NIN: variants seen among roughly 807,000 people sequenced by gnomAD.
The protein encoded by NIN is ninein.
NIN carries 137 observed loss-of-function variants against 257.6 expected under a neutral mutation model. That is an observed-to-expected ratio of 0.53 (90% CI 0.46 to 0.61). The LOEUF is 0.61. Ranked by LOEUF, NIN falls within the 20% of genes least tolerant of loss-of-function variation. The probability of loss-of-function intolerance (pLI) is 0.00; values close to 1 mark genes in which losing one functional copy is unlikely to be tolerated. For missense variants in NIN, 2,439 were observed against 2,501.2 expected (o/e 0.98, Z 0.53); for synonymous variants, 918 against 919.8 (o/e 1.00, Z 0.04).
Position 50,760,151 on chromosome 14 carries a change from T to G in NIN, c.2105A>C (p.Lys702Thr), listed in dbSNP as rs535260580. Residue 702 changes from lysine to threonine, a missense_variant, in exon 17 of 31, where the codon AAA (lysine) becomes ACA (threonine). Around this residue, in one of 3 missense-constraint regions of NIN, gnomAD observed 2,043 missense variants for 2,050.2 expected, o/e 1.00. Coordinates refer to ENST00000530997, the MANE Select transcript of NIN (RefSeq NM_020921.4). ...CTCCTCAAGCTTCACTTGCAGTTGT[T>G]TTTTCTCCTCCTCATGCCTGCAAGT... ...EATCRHEEEKKQLQVKLEEEK... is the reference protein window; with the variant it reads ...EATCRHEEEKTQLQVKLEEEK... 9 of 1,614,180 alleles carry G rather than the reference T, an allele frequency of 5.6e-6. No homozygotes were observed. The Admixed American group carries it at 1.3e-4, about 24-fold the overall frequency.
At chr14:50,781,501 T>A (rs2043133689) in intron 5 of NIN, among the ~76,000 whole-genome samples, 1 of 152,242 alleles carries the variant, frequency 6.6e-6, no homozygotes. Flanking sequence ...TCCAACATCT[T>A]ATGAGTCTAT....
intron 5 of NIN, among the ~76,000 whole-genome samples, chr14:50,784,590 T>C (rs1286126532): frequency 6.6e-6 from 1 of 152,220 alleles, no homozygotes; most frequent in African/African-American, 2.4e-5. Flanking sequence ...GACAGACTAG[T>C]GCCAGCTTTA....
At chr14:50,821,126 T>C (rs2045195407) in intron 3 of NIN, among the ~76,000 whole-genome samples, 2 of 152,234 alleles carry the variant, frequency 1.3e-5, no homozygotes. Flanking sequence ...AACCTATTGA[T>C]TATAAATAGC....
At chr14:50,773,823 G>A (rs2042820726) in intron 7 of NIN, among the ~76,000 whole-genome samples, 1 of 152,194 alleles carries the variant, frequency 6.6e-6, no homozygotes, top group Non-Finnish European at 1.5e-5. Flanking sequence ...TAGGGAAGGG[G>A]AGATTGGGCT....
intron 3 of NIN, among the ~76,000 whole-genome samples, chr14:50,808,701 C>T (rs1470415478): frequency 1.3e-5 from 2 of 152,208 alleles, no homozygotes; most frequent in African/African-American, 4.8e-5. Flanking sequence ...TGCCACGATG[C>T]TCATAGTCTC....
At chr14:50,787,145 G>GA (rs1722470014) in intron 5 of NIN, among the ~76,000 whole-genome samples, 1 of 152,124 alleles carries the variant, frequency 6.6e-6, no homozygotes, top group African/African-American at 2.4e-5. Flanking sequence ...TCTACAGTTG[G>GA]AAAAATGACT....
Position 50,756,467 on chromosome 14 carries a change from G to T in NIN, c.4538+25C>A, listed in dbSNP as rs370896639. ...TGGTGAGGTGCTCTGTGGGATTCGT[G>T]ACGTCTAGAAGGTACATACATTACC... is the stretch of plus-strand genomic sequence containing the variant. On this transcript the variant is annotated intron_variant, in intron 18 of 30. Coordinates refer to ENST00000530997, the MANE Select transcript of NIN (RefSeq NM_020921.4). 795 of 1,551,386 alleles carry T rather than the reference G, an allele frequency of 5.1e-4. 4 individuals are homozygous for T. Among genetic ancestry groups the T allele is most frequent in the South Asian group, 4.0e-3 (316 of 79,532 alleles).
chr14:50,752,053 G>A (rs7494766), intron 21 of NIN, among the ~76,000 whole-genome samples: 78,035 of 151,698 alleles, frequency 0.51, 20,630 homozygotes, highest in African/African-American at 0.61. Flanking sequence ...CATATAATCA[G>A]TGTTTTCTTT....
At chr14:50,803,078 G>T (rs1406220349) in intron 4 of NIN, among the ~76,000 whole-genome samples, 1 of 152,202 alleles carries the variant, frequency 6.6e-6, no homozygotes, top group Admixed American at 6.5e-5. Flanking sequence ...ACCTCGCCGG[G>T]CGCAGTGGCT....
At chr14:50,790,204 C>T (rs921851425) in intron 5 of NIN, among the ~76,000 whole-genome samples, 14 of 152,128 alleles carry the variant, frequency 9.2e-5, no homozygotes, top group Admixed American at 7.2e-4. Flanking sequence ...AAAGGGCATG[C>T]ACCACCATGC....
At chr14:50,738,762 A>C (rs1017718937) in intron 26 of NIN, among the ~76,000 whole-genome samples, 1 of 152,224 alleles carries the variant, frequency 6.6e-6, no homozygotes, top group African/African-American at 2.4e-5. Context: ...GGCATGGAGT[A>C]GGTGTTCTAA....
intron 2 of NIN, chr14:50,823,442 C>A: frequency 6.2e-6 from 2 of 322,624 alleles, no homozygotes; most frequent in Non-Finnish European, 1.3e-5. Flanking sequence ...ATCATTACAA[C>A]ATGAAAAACG....
intron 2 of NIN, chr14:50,823,289 C>T (rs535844680): frequency 2.4e-5 from 14 of 572,084 alleles, no homozygotes; most frequent in African/African-American, 9.4e-5. Context: ...ACCCTTGGGA[C>T]GGTGACCTCA....
In NIN at chr14:50,766,735, A is replaced by G. The variant is rs372006071; in HGVS notation, c.1545+45T>C. The G allele has an allele frequency of 1.5e-4, 207 of 1,350,846 alleles. 2 individuals are homozygous for G. The South Asian group carries it at 2.3e-3, about 15-fold the overall frequency. 83.7% of individuals were successfully genotyped at this position (1,350,846 alleles called of 1,614,324 possible). ...GCTCCTGTTCTTTTGAGTAAACTAC[A>G]TAAAGTAGGCTGCCTATCAGGAAAT... On this transcript the variant is annotated intron_variant, in intron 13 of 30. Coordinates refer to ENST00000530997, the MANE Select transcript of NIN (RefSeq NM_020921.4).
In NIN at chr14:50,719,915, G is replaced by T. The variant is rs140358539; in HGVS notation, c.*3548C>A. ...AATATACAAAGCTGATATAAACACA[G>T]AACTCATTAATCTTTATCTGAACAG... On this transcript the variant is annotated 3_prime_UTR_variant, in exon 31 of 31. Transcript: ENST00000530997. The T allele has an allele frequency of 8.3e-4, 175 of 210,562 alleles. No homozygotes were observed. The highest frequency in any genetic ancestry group is 1.9e-3 in the Admixed American group (33 of 17,038). The allele number at this position is 210,562 out of a possible 1,614,324, so 13.0% of individuals were successfully genotyped here. A position where few individuals can be genotyped will look rare whatever the true frequency, so the allele number is the denominator to read the frequency against.
At chr14:50,781,991 A>C (rs543433521) in intron 5 of NIN, among the ~76,000 whole-genome samples, 50 of 151,604 alleles carry the variant, frequency 3.3e-4, no homozygotes, top group Admixed American at 2.6e-3. Context: ...AATTCACATA[A>C]GAAGCAACAT....
intron 2 of NIN, among the ~76,000 whole-genome samples, chr14:50,827,217 A>G (rs2045494398): frequency 1.3e-5 from 2 of 152,182 alleles, no homozygotes; most frequent in Admixed American, 1.3e-4. Context: ...CAAGTTTAGT[A>G]AAAGCTCAAT....
intron 20 of NIN, among the ~76,000 whole-genome samples, chr14:50,753,452 C>T (rs1344277665): frequency 6.6e-6 from 1 of 152,174 alleles, no homozygotes; most frequent in Non-Finnish European, 1.5e-5. Context: ...CCACCACATA[C>T]TACTTTTTAC....
chr14:50,729,413 G>T, intron 29 of NIN, 110 bp downstream of exon 29: 2 of 1,020,590 alleles, frequency 2.0e-6, no homozygotes, highest in Non-Finnish European at 2.9e-6. Context: ...GGGACTACAG[G>T]TGTGTGCCAT....
Sources: gnomAD v4.1 joint callset for allele counts (sites outside exome capture counted in the v4.1 genomes callset) on GRCh38, gnomAD v4.1.1 for gene constraint, gnomAD v4.1.1 regional missense constraint, MANE v1.5 for transcripts, NCBI Gene and HGNC (gene_info 2026-07-23, HGNC 2026-07-21) for gene names.